GIPC2: variants seen among roughly 807,000 people sequenced by gnomAD.
GIPC2 encodes GIPC PDZ domain containing family member 2.
GIPC2 carries 30 observed loss-of-function variants against 30.6 expected under a neutral mutation model. The observed-to-expected ratio is 0.98, with a 90% CI of 0.73 to 1.33. The LOEUF is 1.33. Ranked by LOEUF, GIPC2 falls within the 40% of genes most tolerant of loss-of-function variation. The pLI, the probability that GIPC2 is intolerant of heterozygous loss-of-function variation, is 0.00. For missense variants in GIPC2, 414 were observed against 390.3 expected, an observed-to-expected ratio of 1.06 and a Z score of -0.51; for synonymous variants, 167 against 150.0, an observed-to-expected ratio of 1.11 and a Z score of -0.83.
upstream of GIPC2, among the ~76,000 whole-genome samples, chr1:78,045,370 A>G (rs954968289): frequency 2.6e-5 from 4 of 152,202 alleles, no homozygotes; most frequent in African/African-American, 9.7e-5. Context: ...TTCACACCGA[A>G]TGGCCTCAAT....
chr1:78,078,852 A>C (rs868220271), intron 1 of GIPC2, among the ~76,000 whole-genome samples: 20 of 151,516 alleles, frequency 1.3e-4, no homozygotes, highest in Middle Eastern at 3.4e-3. Flanking sequence ...AAAAAAAAAA[A>C]AAAACAACAA....
intron 5 of GIPC2, among the ~76,000 whole-genome samples, chr1:78,129,007 A>C (rs1571530664): frequency 7.0e-6 from 1 of 142,624 alleles, no homozygotes; most frequent in African/African-American, 2.6e-5. Flanking sequence ...CCTGTCTCTA[A>C]AAATAAATAA....
intron 3 of GIPC2, among the ~76,000 whole-genome samples, chr1:78,104,483 C>T (rs1252125177): frequency 1.3e-5 from 2 of 152,012 alleles, no homozygotes; most frequent in East Asian, 3.9e-4. Context: ...CCCAGGAGAC[C>T]AATGTGGCTA....
At chr1:78,112,512 C>G (rs755833998) in intron 3 of GIPC2, 35 of 518,896 alleles carry the variant, frequency 6.7e-5, no homozygotes, top group Non-Finnish European at 1.2e-4. Context: ...TGCCCAGGCC[C>G]CATAGGTGCT....
chr1:78,062,764 C>G (rs1328218362), intron 1 of GIPC2, among the ~76,000 whole-genome samples: 4 of 151,934 alleles, frequency 2.6e-5, no homozygotes, highest in Non-Finnish European at 5.9e-5. Context: ...TCCACCCACC[C>G]AAAGTGCTGG....
chr1:78,065,688 T>C (rs550545014), intron 1 of GIPC2, among the ~76,000 whole-genome samples: 2 of 152,202 alleles, frequency 1.3e-5, no homozygotes, highest in South Asian at 4.1e-4. Flanking sequence ...TTGGTCCTGG[T>C]ACAACAATAG....
At chr1:78,079,410 C>T (rs978405323) in intron 1 of GIPC2, among the ~76,000 whole-genome samples, 1 of 152,164 alleles carries the variant, frequency 6.6e-6, no homozygotes, top group Non-Finnish European at 1.5e-5. Context: ...GCCTAAAAAG[C>T]CATTCAGTAA....
At chr1:78,130,812 C>G (rs530269456) in intron 5 of GIPC2, among the ~76,000 whole-genome samples, 1 of 151,918 alleles carries the variant, frequency 6.6e-6, no homozygotes, top group Non-Finnish European at 1.5e-5. Flanking sequence ...GATTTTTAAC[C>G]GTAAATATCT....
rs1661806455 is a variant in GIPC2, at chr1:78,080,580, T to C, written c.241-95T>C. On this transcript the variant is annotated intron_variant, in intron 1 of 5. Coordinates refer to ENST00000370759, the MANE Select transcript of GIPC2 (RefSeq NM_017655.6). ...TGATGTAACTCTTTACATCATAAAT[T>C]GAGGAGTATTTCAGTCAATAAATGT... The C allele has an allele frequency of 8.8e-6, 6 of 683,894 alleles. No individual in the cohort carries two copies. The South Asian group carries it at 1.3e-4, about 15-fold the overall frequency. 42.4% of individuals were successfully genotyped at this position (683,894 alleles called of 1,614,324 possible). A position where few individuals can be genotyped will look rare whatever the true frequency, so the allele number is the denominator to read the frequency against.
At position 78,046,099 on chromosome 1, in the gene GIPC2, C is replaced by A. The variant is rs1345536221; in HGVS notation, c.5C>A (p.Pro2His). 11 of 1,465,920 alleles carry A rather than the reference C, an allele frequency of 7.5e-6. No homozygotes were observed. Among genetic ancestry groups the A allele is most frequent in the Non-Finnish European group, 9.9e-6 (11 of 1,113,230 alleles). The allele number at this position is 1,465,920 out of a possible 1,614,324, so 90.8% of individuals were successfully genotyped here. Residue 2 changes from proline to histidine, a missense_variant, in exon 1 of 6, where the codon CCC (proline) becomes CAC (histidine). Pro to His is a moderately conservative substitution (Grantham distance 77). Transcript: ENST00000370759. M[P>H]LKLRGKKKAK... is the part of the protein sequence containing the mutation. Reference sequence around the variant, plus strand: ...CCGCGCTCTCGGCCCTGCAAGATGCCCCTGAAGCTGCGGGGGAAGAAGAAG... The same window carrying A: ...CCGCGCTCTCGGCCCTGCAAGATGCACCTGAAGCTGCGGGGGAAGAAGAAG...
In GIPC2 at chr1:78,082,517, A is replaced by C. The variant is rs7518975; in HGVS notation, c.426+1657A>C. Among the ~76,000 whole-genome samples the C allele has an allele frequency of 6.0e-3, 912 of 152,306 alleles. 9 individuals are homozygous for C. Among genetic ancestry groups the C allele is most frequent in the African/African-American group, 0.02 (843 of 41,560 alleles). On this transcript the variant is annotated intron_variant, in intron 2 of 5. Coordinates refer to ENST00000370759, the MANE Select transcript of GIPC2 (RefSeq NM_017655.6). ...CTGGGAAAGTCATATGGGATTATCC[A>C]AGGGAAGCTCAGGACATGAGGCACA...
rs1484208826 is a variant in GIPC2 at position 78,135,844 on chromosome 1, G to T, written c.*101G>T. On this transcript the variant is annotated 3_prime_UTR_variant, in exon 6 of 6. Coordinates refer to ENST00000370759, the MANE Select transcript of GIPC2 (RefSeq NM_017655.6). ...TTTTTGGACACCTTTACTAACTCTG[G>T]TTTAATTTCATGTGTATGGAATATA... The T allele has an allele frequency of 1.1e-6, 1 of 922,420 alleles. No homozygotes were observed. Among genetic ancestry groups the T allele is most frequent in the South Asian group, 1.6e-5 (1 of 61,360 alleles). 57.1% of individuals were successfully genotyped at this position (922,420 alleles called of 1,614,324 possible). A position where few individuals can be genotyped will look rare whatever the true frequency, so the allele number is the denominator to read the frequency against.
chr1:78,048,017 G>C (rs1446675152), intron 1 of GIPC2, among the ~76,000 whole-genome samples: 2 of 152,214 alleles, frequency 1.3e-5, no homozygotes, highest in Non-Finnish European at 2.9e-5. Context: ...CTGGGTTTAT[G>C]ATAGTTAGAC....
intron 5 of GIPC2, among the ~76,000 whole-genome samples, chr1:78,132,728 G>A (rs180901534): frequency 1.3e-5 from 2 of 151,380 alleles, no homozygotes; most frequent in East Asian, 3.9e-4. Context: ...GTGTCCATCA[G>A]TGAACATCTG....
chr1:78,118,008 G>C (rs1395193141), intron 3 of GIPC2, among the ~76,000 whole-genome samples: 3 of 150,752 alleles, frequency 2.0e-5, no homozygotes, highest in African/African-American at 7.3e-5. Context: ...CTGCAGCCTT[G>C]ACCACCTGAG....
At chr1:78,116,935 T>A (rs964394792) in intron 3 of GIPC2, among the ~76,000 whole-genome samples, 6 of 152,102 alleles carry the variant, frequency 3.9e-5, no homozygotes, top group Non-Finnish European at 7.4e-5. Flanking sequence ...CGCCACACTG[T>A]CTTCCACAAT....
rs184397826 is a variant in GIPC2 at position 78,138,304 on chromosome 1, T to A, written c.*2561T>A. The A allele has an allele frequency of 6.6e-6, 1 of 152,342 alleles. No individual in the cohort carries two copies. The highest frequency in any genetic ancestry group is 6.5e-5 in the Admixed American group (1 of 15,300). The allele number at this position is 152,342 out of a possible 1,614,324, so 9.4% of individuals were successfully genotyped here. ...TTTAAGAATTCAATTATAAAAGCAATAATCAGGTAACCTCTATTTGGAGCT... is the reference window on the plus strand; with the variant it reads ...TTTAAGAATTCAATTATAAAAGCAAAAATCAGGTAACCTCTATTTGGAGCT... On this transcript the variant is annotated 3_prime_UTR_variant, in exon 6 of 6. Coordinates refer to ENST00000370759, the MANE Select transcript of GIPC2 (RefSeq NM_017655.6).
At chr1:78,067,162 A>G (rs147833911) in intron 1 of GIPC2, among the ~76,000 whole-genome samples, 239 of 152,096 alleles carry the variant, frequency 1.6e-3, no homozygotes, top group African/African-American at 5.5e-3. Context: ...GCAGGTGCAA[A>G]AGTTAGGGTG....
At position 78,080,793 on chromosome 1, in the gene GIPC2, T is replaced by C; in HGVS notation, c.359T>C (p.Val120Ala). 6.2e-7 allele frequency: 1 copy of C among 1,609,394 alleles called. No homozygotes were observed. The highest frequency in any genetic ancestry group is 8.5e-7 in the Non-Finnish European group (1 of 1,175,870). ...AAAGGAATCGAAAAAGAAGTGAATGTGTATAAATCTGAGGATTCACTTGGT... is the reference window on the plus strand; with the variant it reads ...AAAGGAATCGAAAAAGAAGTGAATGCGTATAAATCTGAGGATTCACTTGGT... ...HVKGIEKEVN[V>A]YKSEDSLGLT... The change falls in exon 2 of 6, where the codon GTG (valine) becomes GCG (alanine). Residue 120 changes from valine to alanine, a missense_variant. Physicochemically the swap from Val to Ala is moderately conservative, Grantham distance 64. Coordinates refer to ENST00000370759, the MANE Select transcript of GIPC2 (RefSeq NM_017655.6).
Sources: allele counts gnomAD v4.1 joint callset (sites outside exome capture counted in the v4.1 genomes callset), GRCh38; gene constraint gnomAD v4.1.1; transcripts MANE v1.5; gene names NCBI Gene and HGNC (gene_info 2026-07-23, HGNC 2026-07-21).